Variants in NBEA observed in about 807,000 individuals in gnomAD.
NBEA encodes neurobeachin, also known as lysosomal-trafficking regulator 2.
NBEA carries 44 observed loss-of-function variants against 343.4 expected under a neutral mutation model. That is an observed-to-expected ratio of 0.13 (90% CI 0.10 to 0.16). NBEA has a LOEUF of 0.16. NBEA is among the 10% of genes least tolerant of loss of function. The pLI, the probability that NBEA is intolerant of heterozygous loss-of-function variation, is 1.00. For missense variants in NBEA, 2,555 were observed against 3,631.3 expected (o/e 0.70, Z 7.62); for synonymous variants, 1,175 against 1,238.7 (o/e 0.95, Z 1.08).
chr13:34,942,864 A>C lies in NBEA; in HGVS notation c.44A>C (p.Gln15Pro). 1 of 1,390,872 alleles carries C rather than the reference A, an allele frequency of 7.2e-7. No homozygotes were observed. Among genetic ancestry groups the C allele is most frequent in the Non-Finnish European group, 9.4e-7 (1 of 1,065,896 alleles). The allele number at this position is 1,390,872 out of a possible 1,614,324, so 86.2% of individuals were successfully genotyped here. A position where few individuals can be genotyped will look rare whatever the true frequency, so the allele number is the denominator to read the frequency against. ...KPGPGPGLEP[Q>P]PVGLIAVGAA... ...GGCCCGGGCCCGGGGCTCGAGCCTC[A>C]GCCCGTGGGGCTCATTGCCGTCGGG... is the stretch of plus-strand genomic sequence containing the variant. The change falls in exon 1 of 59, where the codon CAG becomes CCG. Residue 15 changes from glutamine to proline, a missense_variant. By Grantham distance (76) the Gln-to-Pro change is moderately conservative. Around this residue, in one of 21 missense-constraint regions of NBEA, gnomAD observed 122 missense variants for 91.0 expected, o/e 1.34. Transcript: ENST00000379939.
At chr13:35,024,094 G>A (rs2061936754) in intron 1 of NBEA, among the ~76,000 whole-genome samples, 2 of 152,206 alleles carry the variant, frequency 1.3e-5, no homozygotes, top group Middle Eastern at 3.4e-3. Flanking sequence ...TTAAAAGTGG[G>A]AGCTTATTTG....
At chr13:35,422,536 T>C (rs2044359347) in intron 38 of NBEA, among the ~76,000 whole-genome samples, 2 of 152,288 alleles carry the variant, frequency 1.3e-5, no homozygotes, top group South Asian at 4.1e-4. Flanking sequence ...ATTTTCTTAA[T>C]CCAGTCTATC....
chr13:35,033,655 T>C (rs528611160), intron 1 of NBEA, among the ~76,000 whole-genome samples: 14 of 152,112 alleles, frequency 9.2e-5, no homozygotes, highest in African/African-American at 3.1e-4. Context: ...TATTTTTCTA[T>C]TTTGGGTGTC....
intron 25 of NBEA, 41 bp downstream of exon 25, chr13:35,169,036 A>T (rs1222243604): frequency 7.0e-7 from 1 of 1,432,008 alleles, no homozygotes; most frequent in Admixed American, 2.3e-5. Flanking sequence ...TTTCAGTTTC[A>T]AGTTTTATTT....
chr13:35,041,215 A>T (rs1451055428), intron 2 of NBEA, 51 bp downstream of exon 2: 1 of 1,377,826 alleles, frequency 7.3e-7, no homozygotes, highest in Non-Finnish European at 1.0e-6. Flanking sequence ...ATAAAGTTTC[A>T]CATACTTCTC....
intron 35 of NBEA, among the ~76,000 whole-genome samples, chr13:35,308,164 T>TAAAGCCTTTAA: frequency 6.6e-6 from 1 of 151,570 alleles, no homozygotes; most frequent in Non-Finnish European, 1.5e-5. Flanking sequence ...AGAATGAGTG[T>TAAAGCCTTTAA]AAAGCCTTTA....
intron 30 of NBEA, among the ~76,000 whole-genome samples, chr13:35,189,240 C>T (rs2071989975): frequency 6.6e-6 from 1 of 151,930 alleles, no homozygotes; most frequent in African/African-American, 2.4e-5. Flanking sequence ...AATAGCCATC[C>T]TGTGTGAGGT....
At chr13:35,457,528 G>T (rs1006833637) in intron 40 of NBEA, among the ~76,000 whole-genome samples, 1 of 152,138 alleles carries the variant, frequency 6.6e-6, no homozygotes, top group African/African-American at 2.4e-5. Flanking sequence ...GCATACAAAT[G>T]GAATCATAGA....
At chr13:35,178,431 C>T (rs1240155333) in intron 28 of NBEA, among the ~76,000 whole-genome samples, 1 of 151,526 alleles carries the variant, frequency 6.6e-6, no homozygotes, top group Non-Finnish European at 1.5e-5. Context: ...ACCTATTCAG[C>T]CTTTAAGCAT....
At position 34,946,130 on chromosome 13, in the gene NBEA, A is replaced by G. The variant is rs111736170; in HGVS notation, c.294+3016A>G. On this transcript the variant is annotated intron_variant, in intron 1 of 58. Transcript: ENST00000379939. ...AAGGTAGGTAAATTAGTTTGTGAAT[A>G]AAGTTACAGTCAGAGTGCATTGTCA... Among the ~76,000 whole-genome samples, 243 of 152,292 alleles carry G rather than the reference A, an allele frequency of 1.6e-3. 1 individual carries two copies. The highest frequency in any genetic ancestry group is 5.4e-3 in the African/African-American group (225 of 41,578).
chr13:35,040,277 G>A (rs1001426786), intron 1 of NBEA, among the ~76,000 whole-genome samples: 6 of 151,816 alleles, frequency 4.0e-5, no homozygotes, highest in African/African-American at 1.5e-4. Context: ...AATACCAAAT[G>A]GGAGGGGCAG....
chr13:35,047,459 A>C (rs2062902624), intron 4 of NBEA, among the ~76,000 whole-genome samples: 1 of 152,068 alleles, frequency 6.6e-6, no homozygotes, highest in African/African-American at 2.4e-5. Context: ...AAACCATGCT[A>C]GGTTGAAGTC....
At chr13:35,560,965 A>G (rs1440210195) in intron 44 of NBEA, among the ~76,000 whole-genome samples, 1 of 152,148 alleles carries the variant, frequency 6.6e-6, no homozygotes, top group African/African-American at 2.4e-5. Flanking sequence ...GTTCTGATTC[A>G]GTAGGCTTGG....
intron 41 of NBEA, among the ~76,000 whole-genome samples, chr13:35,548,495 C>G (rs1385169454): frequency 6.6e-6 from 1 of 152,086 alleles, no homozygotes; most frequent in Non-Finnish European, 1.5e-5. Flanking sequence ...ATACAGGTAT[C>G]TTTCTGACAT....
chr13:35,277,897 G>A (rs957534228), intron 34 of NBEA, among the ~76,000 whole-genome samples: 18 of 151,098 alleles, frequency 1.2e-4, no homozygotes, highest in Non-Finnish European at 1.9e-4. Flanking sequence ...GACCAGCCTG[G>A]CCAACATGGC....
intron 1 of NBEA, among the ~76,000 whole-genome samples, chr13:35,031,515 G>T (rs2062217361): frequency 6.6e-6 from 1 of 151,182 alleles, no homozygotes; most frequent in South Asian, 2.1e-4. Context: ...TTTTTTAATA[G>T]CTGGAAGCTG....
chr13:34,964,260 T>C (rs938738968), intron 1 of NBEA, among the ~76,000 whole-genome samples: 2 of 152,020 alleles, frequency 1.3e-5, no homozygotes, highest in African/African-American at 4.8e-5. Flanking sequence ...TTTGGATGTT[T>C]AAATATATTG....
At chr13:35,443,580 A>G (rs1254492483) in intron 39 of NBEA, among the ~76,000 whole-genome samples, 1 of 152,046 alleles carries the variant, frequency 6.6e-6, no homozygotes, top group Admixed American at 6.6e-5. Flanking sequence ...TTATATCTGT[A>G]TTTATTAAAT....
intron 11 of NBEA, among the ~76,000 whole-genome samples, chr13:35,101,219 A>G (rs2065632132): frequency 6.6e-6 from 1 of 151,998 alleles, no homozygotes. Flanking sequence ...GTAGATACCT[A>G]GGAGTTAATT....
Sources: allele counts gnomAD v4.1 joint callset (sites outside exome capture counted in the v4.1 genomes callset), GRCh38; gene constraint gnomAD v4.1.1; regional missense constraint gnomAD v4.1.1; transcripts MANE v1.5; gene names NCBI Gene and HGNC (gene_info 2026-07-23, HGNC 2026-07-21).